ZEB2: variants seen among roughly 807,000 people sequenced by gnomAD.
ZEB2 encodes the protein zinc finger E-box-binding homeobox 2.
In ZEB2, 6 loss-of-function variants were observed where a neutral mutation model predicts 99.9. That is an observed-to-expected ratio of 0.06 (90% CI 0.03 to 0.12). ZEB2 has a LOEUF of 0.12. Among genes scored for constraint, ZEB2 ranks in the 10% least tolerant of loss-of-function variants. The pLI is 1.00. For synonymous variants in ZEB2, 517 were observed against 542.5 expected, an observed-to-expected ratio of 0.95 and a Z score of 0.65; for missense variants, 969 against 1,502.8, an observed-to-expected ratio of 0.64 and a Z score of 5.87.
intron 2 of ZEB2, chr2:144,513,065 C>T (rs1391751129): frequency 2.3e-6 from 3 of 1,287,060 alleles, no homozygotes; most frequent in African/African-American, 3.0e-5. Flanking sequence ...ACTCTCGTTG[C>T]CCCATCCCAA....
Position 144,399,463 on chromosome 2 carries a change from T to C in ZEB2, c.1724A>G (p.His575Arg), listed in dbSNP as rs1197446334. 1 of 1,614,196 alleles carries C rather than the reference T, an allele frequency of 6.2e-7. No individual in the cohort carries two copies. The highest frequency in any genetic ancestry group is 1.3e-5 in the African/African-American group (1 of 75,050). The change falls in exon 8 of 10, where the codon CAC becomes CGC. Residue 575 changes from histidine to arginine, a missense_variant. Around this residue, in one of 8 missense-constraint regions of ZEB2, gnomAD observed 227 missense variants for 278.2 expected, o/e 0.82. Transcript: ENST00000627532. The surrounding 1 kb of genome is among the most constrained non-coding windows in gnomAD (Gnocchi z 5.6). ...LVTDDKMIEN[H>R]NISTPFSCQF... ...GCATGAAAATGGAGTGGATATGTTG[T>C]GGTTCTCAATCATTTTGTCATCAGT...
At chr2:144,423,220 T>C (rs546359897) in intron 4 of ZEB2, among the ~76,000 whole-genome samples, 5 of 152,194 alleles carry the variant, frequency 3.3e-5, no homozygotes, top group Non-Finnish European at 7.4e-5. Flanking sequence ...TGTTACTTTG[T>C]GGGGTAAATT....
chr2:144,425,829 C>T (rs1054373253), intron 3 of ZEB2, among the ~76,000 whole-genome samples: 2 of 152,034 alleles, frequency 1.3e-5, no homozygotes, highest in Non-Finnish European at 2.9e-5. Flanking sequence ...ACCAAATATG[C>T]TCCAGGATGA....
At chr2:144,495,146 T>G (rs1408827429) in intron 2 of ZEB2, 4 of 152,208 alleles carry the variant, frequency 2.6e-5, no homozygotes, top group Non-Finnish European at 5.9e-5. Flanking sequence ...CTATGCAGGT[T>G]TATCACATTT....
chr2:144,517,369 T>G lies in ZEB2; in HGVS notation c.-19A>C. 1 of 1,613,616 alleles carries G rather than the reference T, an allele frequency of 6.2e-7. No individual in the cohort carries two copies. The highest frequency in any genetic ancestry group is 8.5e-7 in the Non-Finnish European group (1 of 1,179,814). On this transcript the variant is annotated 5_prime_UTR_variant, in exon 2 of 10. Coordinates refer to ENST00000627532, the MANE Select transcript of ZEB2 (RefSeq NM_014795.4). ...GCTTCATTGATAAGAGCGGATCAGA[T>G]GGCAGTTCGCATGGACTCGGCGCCC...
intron 2 of ZEB2, among the ~76,000 whole-genome samples, chr2:144,476,007 A>G (rs924205506): frequency 1.3e-5 from 2 of 152,198 alleles, no homozygotes; most frequent in African/African-American, 2.4e-5. Context: ...CTTCCTTCTG[A>G]CATAAGGAAA....
At chr2:144,496,938 C>G (rs1704769881) in intron 2 of ZEB2, 1 of 152,146 alleles carries the variant, frequency 6.6e-6, no homozygotes. Context: ...TTACTGGATA[C>G]AAGCCAAAAA....
chr2:144,513,439 T>C, intron 2 of ZEB2: 1 of 1,441,414 alleles, frequency 6.9e-7, no homozygotes, highest in Non-Finnish European at 9.2e-7. Flanking sequence ...TGGAGAAAAA[T>C]CAAATTTAAC....
chr2:144,489,725 C>T (rs998728268), intron 2 of ZEB2, among the ~76,000 whole-genome samples: 3 of 152,142 alleles, frequency 2.0e-5, no homozygotes, highest in African/African-American at 7.2e-5. Flanking sequence ...TGCGCAGCAG[C>T]GAGGATGGCG....
At position 144,505,077 on chromosome 2, in the gene ZEB2, G is replaced by A. The variant is rs142478976; in HGVS notation, c.73+12201C>T. 9.5e-4 allele frequency among the ~76,000 whole-genome samples: 145 copies of A among 151,870 alleles called. 1 individual carries two copies. Among genetic ancestry groups the A allele is most frequent in the African/African-American group, 3.3e-3 (137 of 41,398 alleles). On this transcript the variant is annotated intron_variant, in intron 2 of 9. Transcript: ENST00000627532. The stretch of plus-strand genomic sequence containing the variant: ...AAGATGGAAATTCATTTAATGTCAG[G>A]GGGAAAAAACGCACACACAAAGGCA...
chr2:144,398,930 T>C lies in ZEB2; in HGVS notation c.2257A>G (p.Asn753Asp), dbSNP rs1482818663. The change falls in exon 8 of 10, where the codon AAT (asparagine) becomes GAT (aspartate). Residue 753 changes from asparagine to aspartate, a missense_variant. By Grantham distance (23) the Asn-to-Asp change is conservative. Around this residue, in one of 8 missense-constraint regions of ZEB2, gnomAD observed 346 missense variants for 460.0 expected, o/e 0.75. Transcript: ENST00000627532. ...GTTAGCCTGAGAGGAGGATCACAAT[T>C]CGTAACACTGTTGTGGAGTTCTGCT... ...SIAELHNSVT[N>D]CDPPLRLTKP... 1 of 1,614,236 alleles carries C rather than the reference T, an allele frequency of 6.2e-7. No individual in the cohort carries two copies. Among genetic ancestry groups the C allele is most frequent in the Admixed American group, 1.7e-5 (1 of 60,034 alleles).
intron 2 of ZEB2, among the ~76,000 whole-genome samples, chr2:144,499,436 G>T (rs963519149): frequency 1.3e-5 from 2 of 152,096 alleles, no homozygotes; most frequent in South Asian, 4.1e-4. Flanking sequence ...CCAATAGAAC[G>T]CTTGAAATAT....
intron 2 of ZEB2, chr2:144,430,714 C>T (rs1023881455): frequency 6.3e-6 from 1 of 159,628 alleles, no homozygotes; most frequent in African/African-American, 2.4e-5. Context: ...GTGACACAGG[C>T]AAGACCAACA....
intron 3 of ZEB2, chr2:144,426,731 T>G (rs1703694878): frequency 6.6e-6 from 1 of 152,216 alleles, no homozygotes; most frequent in African/African-American, 2.4e-5. Flanking sequence ...AACTGAGATC[T>G]TTCAGAGACA....
intron 9 of ZEB2, among the ~76,000 whole-genome samples, chr2:144,393,835 A>G (rs761220780): frequency 1.2e-4 from 18 of 152,242 alleles, no homozygotes; most frequent in Admixed American, 3.9e-4. Flanking sequence ...TCTTGTTGCT[A>G]GGCAATGTTT....
intron 4 of ZEB2, among the ~76,000 whole-genome samples, chr2:144,410,376 G>T (rs1703443821): frequency 6.6e-6 from 1 of 152,144 alleles, no homozygotes; most frequent in African/African-American, 2.4e-5. Context: ...CACTTTTATA[G>T]ATATCTTTAT....
chr2:144,472,093 G>T (rs1406606596), intron 2 of ZEB2, among the ~76,000 whole-genome samples: 13 of 150,758 alleles, frequency 8.6e-5, no homozygotes, highest in Admixed American at 8.6e-4. Context: ...TCCATTTAAT[G>T]GGAAAAAAAA....
At chr2:144,446,812 C>T (rs1264434498) in intron 2 of ZEB2, among the ~76,000 whole-genome samples, 4 of 151,808 alleles carry the variant, frequency 2.6e-5, no homozygotes, top group East Asian at 1.9e-4. Flanking sequence ...GTCAGGAGTT[C>T]GAGACCAGCC....
Position 144,406,396 on chromosome 2 carries a change from A to G in ZEB2, c.404-1372T>C, listed in dbSNP as rs150634869. ...AGTAAACACATCATTACAAACTCAG[A>G]TAAGTATTATGAAAGAAAGTTATAT... On this transcript the variant is annotated intron_variant, in intron 4 of 9. Transcript: ENST00000627532. Among the ~76,000 whole-genome samples the G allele has an allele frequency of 4.9e-4, 75 of 152,346 alleles. 1 individual carries two copies. In the East Asian group the frequency reaches 0.014, roughly 29 times the overall value.
Sources: gnomAD v4.1 joint callset for allele counts (sites outside exome capture counted in the v4.1 genomes callset) on GRCh38, gnomAD v4.1.1 for gene constraint, gnomAD v4.1.1 regional missense constraint, Gnocchi (gnomAD v3.1) non-coding constraint, MANE v1.5 for transcripts, NCBI Gene and HGNC (gene_info 2026-07-23, HGNC 2026-07-21) for gene names.